The following THSD7B variants were observed in gnomAD, a reference collection of about 807,000 sequenced individuals.
The protein encoded by THSD7B is thrombospondin type-1 domain-containing protein 7B.
Under a neutral mutation model 213.6 loss-of-function variants are expected in THSD7B, and 138 were observed. The ratio of observed to expected loss-of-function variants is 0.65; its 90% CI spans 0.56 to 0.74. THSD7B has a LOEUF of 0.74. Ranked by LOEUF, THSD7B falls within the 30% of genes least tolerant of loss-of-function variation. THSD7B has a pLI of 0.00. For synonymous variants in THSD7B, 742 were observed against 687.0 expected, an observed-to-expected ratio of 1.08 and a Z score of -1.25; for missense variants, 1,931 against 1,991.5, an observed-to-expected ratio of 0.97 and a Z score of 0.58.
intron 2 of THSD7B, among the ~76,000 whole-genome samples, chr2:137,054,967 T>G (rs1307333306): frequency 6.6e-6 from 1 of 152,076 alleles, no homozygotes; most frequent in African/African-American, 2.4e-5. Flanking sequence ...GTGGGTGATA[T>G]TCCCCTCCCT....
chr2:137,063,869 C>G (rs1473774558), intron 3 of THSD7B, among the ~76,000 whole-genome samples: 2 of 151,960 alleles, frequency 1.3e-5, no homozygotes, highest in Non-Finnish European at 1.5e-5. Flanking sequence ...TTATAGCTGA[C>G]TAGTACTCCA....
chr2:137,066,321 A>G (rs753375674), intron 3 of THSD7B, among the ~76,000 whole-genome samples: 10 of 151,048 alleles, frequency 6.6e-5, no homozygotes, highest in Non-Finnish European at 1.5e-4. Flanking sequence ...ACTTCTGAGT[A>G]GCTGGGACTA....
chr2:136,907,106 G>T (rs1243298131), intron 2 of THSD7B, among the ~76,000 whole-genome samples: 1 of 151,604 alleles, frequency 6.6e-6, no homozygotes, highest in South Asian at 2.1e-4. Flanking sequence ...CACCATGCCT[G>T]GCTAATTTTT....
chr2:137,010,109 G>A (rs1686198898), intron 2 of THSD7B, among the ~76,000 whole-genome samples: 1 of 152,054 alleles, frequency 6.6e-6, no homozygotes, highest in Non-Finnish European at 1.5e-5. Flanking sequence ...GCCTAGCACT[G>A]ACAAAATGTC....
chr2:136,819,166 CAAAG>C (rs988022738), intron 1 of THSD7B, among the ~76,000 whole-genome samples: 8 of 152,110 alleles, frequency 5.3e-5, no homozygotes, highest in Non-Finnish European at 1.2e-4. Context: ...GGCAAAAAAA[CAAAG>C]AAGCCCATGG....
intron 3 of THSD7B, among the ~76,000 whole-genome samples, chr2:137,082,706 T>G (rs894641782): frequency 1.3e-5 from 2 of 152,096 alleles, no homozygotes; most frequent in African/African-American, 4.8e-5. Flanking sequence ...TTGCTGATAT[T>G]GCTTATATCT....
At chr2:137,394,755 T>G (rs1686131841) in intron 12 of THSD7B, among the ~76,000 whole-genome samples, 1 of 137,730 alleles carries the variant, frequency 7.3e-6, no homozygotes, top group African/African-American at 2.7e-5. Context: ...CCTTGGGCAG[T>G]ATGGCCATTT....
intron 20 of THSD7B, among the ~76,000 whole-genome samples, chr2:137,638,445 C>T (rs1003612966): frequency 2.0e-5 from 3 of 152,136 alleles, no homozygotes; most frequent in African/African-American, 4.8e-5. Context: ...TCCCCAGCCA[C>T]GTGGAACTGT....
chr2:136,869,704 G>A (rs778175), intron 1 of THSD7B, among the ~76,000 whole-genome samples: 91,525 of 152,044 alleles, frequency 0.6, 28,036 homozygotes, highest in Middle Eastern at 0.73. Context: ...TTTGTGCTTG[G>A]GAGCCATTTT....
chr2:137,335,549 C>A (rs570843537), intron 12 of THSD7B, among the ~76,000 whole-genome samples: 1 of 152,180 alleles, frequency 6.6e-6, no homozygotes, highest in Admixed American at 6.5e-5. Context: ...CCTATGCTCA[C>A]AACCTCTAAA....
At chr2:136,979,358 T>A (rs1320851578) in intron 2 of THSD7B, among the ~76,000 whole-genome samples, 3 of 152,206 alleles carry the variant, frequency 2.0e-5, no homozygotes, top group African/African-American at 7.2e-5. Flanking sequence ...GTTTGGGAAG[T>A]GCTCCTGGAT....
intron 2 of THSD7B, among the ~76,000 whole-genome samples, chr2:136,930,893 C>A (rs1573717145): frequency 6.6e-6 from 1 of 151,922 alleles, no homozygotes; most frequent in East Asian, 1.9e-4. Flanking sequence ...AGACGTCTGC[C>A]CCTTTAGTCC....
chr2:137,611,581 TAC>T (rs1682290457), intron 17 of THSD7B, among the ~76,000 whole-genome samples: 4 of 152,162 alleles, frequency 2.6e-5, no homozygotes, highest in Admixed American at 6.5e-5. Context: ...TAGTAAACAC[TAC>T]AGAATTATTA....
At chr2:137,397,574 C>T (rs1459474398) in intron 12 of THSD7B, among the ~76,000 whole-genome samples, 2 of 151,334 alleles carry the variant, frequency 1.3e-5, no homozygotes, top group Non-Finnish European at 3.0e-5. Context: ...GTAACCCGAC[C>T]TTTCTCTCTG....
chr2:137,535,041 C>T (rs543894372), intron 15 of THSD7B, among the ~76,000 whole-genome samples: 73 of 151,842 alleles, frequency 4.8e-4, no homozygotes, highest in Non-Finnish European at 7.7e-4. Context: ...TATTCTTTAA[C>T]ATTTTATTTA....
At chr2:137,040,846 T>C (rs76859522) in intron 2 of THSD7B, among the ~76,000 whole-genome samples, 2,900 of 152,296 alleles carry the variant, frequency 0.019, 87 homozygotes, top group African/African-American at 0.067. Context: ...AATCTTCATG[T>C]AGATTATGAA....
At chr2:136,882,704 A>G (rs1453551198) in intron 2 of THSD7B, among the ~76,000 whole-genome samples, 1 of 152,196 alleles carries the variant, frequency 6.6e-6, no homozygotes, top group East Asian at 1.9e-4. Context: ...TAAACTAGTT[A>G]GCTATTTATT....
At chr2:137,312,037 A>G (rs375142671) in intron 12 of THSD7B, among the ~76,000 whole-genome samples, 54,383 of 143,636 alleles carry the variant, frequency 0.38, 10,830 homozygotes, top group Non-Finnish European at 0.44. Context: ...AGTTAGGGAG[A>G]ATTCCCTCTT....
At chr2:137,400,785 C>T (rs1333512011) in intron 12 of THSD7B, among the ~76,000 whole-genome samples, 1 of 152,138 alleles carries the variant, frequency 6.6e-6, no homozygotes, top group African/African-American at 2.4e-5. Flanking sequence ...GGGAGAAGTG[C>T]TCGGATGTCT....
Sources: gnomAD v4.1 joint callset for allele counts (sites outside exome capture counted in the v4.1 genomes callset) on GRCh38, gnomAD v4.1.1 for gene constraint, MANE v1.5 for transcripts, NCBI Gene and HGNC (gene_info 2026-07-23, HGNC 2026-07-21) for gene names.